Variants in MINDY3 observed in about 807,000 individuals in gnomAD.
The protein encoded by MINDY3 is MINDY lysine 48 deubiquitinase 3.
A neutral mutation model predicts 69.2 loss-of-function variants in MINDY3; 38 were observed. That is an observed-to-expected ratio of 0.55 (90% CI 0.42 to 0.72). The LOEUF (loss-of-function observed/expected upper bound fraction) is 0.72, where lower values mean the gene tolerates loss of function less well. Ranked by LOEUF, MINDY3 falls within the 30% of genes least tolerant of loss-of-function variation. The probability of loss-of-function intolerance (pLI) is 0.00; values close to 1 mark genes in which losing one functional copy is unlikely to be tolerated. For synonymous variants in MINDY3, 192 were observed against 180.1 expected (o/e 1.07, Z -0.53); for missense variants, 522 against 519.0 (o/e 1.01, Z -0.06).
chr10:15,813,199 A>G (rs1228610595), intron 10 of MINDY3, among the ~76,000 whole-genome samples: 1 of 152,204 alleles, frequency 6.6e-6, no homozygotes, highest in African/African-American at 2.4e-5. Context: ...ATCAAAGAGT[A>G]ACATGGCCTG....
At chr10:15,803,946 AAC>A (rs1354514817) in intron 10 of MINDY3, among the ~76,000 whole-genome samples, 1 of 152,152 alleles carries the variant, frequency 6.6e-6, no homozygotes, top group Non-Finnish European at 1.5e-5. Context: ...AGAAAATTTC[AAC>A]ATGTACTGCA....
chr10:15,788,981 A>C (rs879658656), intron 12 of MINDY3: 1 of 284,422 alleles, frequency 3.5e-6, no homozygotes, highest in Non-Finnish European at 6.7e-6. Flanking sequence ...TTTGCAGAGA[A>C]ACTTTTTAAA....
intron 10 of MINDY3, among the ~76,000 whole-genome samples, chr10:15,803,953 A>C (rs1311527763): frequency 6.6e-6 from 1 of 152,100 alleles, no homozygotes. Flanking sequence ...TTCAACATGT[A>C]CTGCATTTGG....
intron 10 of MINDY3, among the ~76,000 whole-genome samples, chr10:15,803,493 A>G (rs113106756): frequency 0.014 from 2,138 of 152,264 alleles, 46 homozygotes; most frequent in African/African-American, 0.048. Flanking sequence ...AAAATGGTTT[A>G]GTTAGAAGGA....
At chr10:15,803,539 T>A (rs1247225043) in intron 10 of MINDY3, among the ~76,000 whole-genome samples, 3 of 152,156 alleles carry the variant, frequency 2.0e-5, no homozygotes, top group African/African-American at 7.2e-5. Context: ...AGGAGGATTC[T>A]ACCCTCAGAT....
chr10:15,832,516 G>A (rs938146881), intron 8 of MINDY3, among the ~76,000 whole-genome samples: 30 of 152,068 alleles, frequency 2.0e-4, no homozygotes, highest in African/African-American at 7.0e-4. Flanking sequence ...AGAATAGGAT[G>A]ATCTCAATTA....
In MINDY3 at chr10:15,778,228, A is replaced by C. The variant is rs1311800123; in HGVS notation, c.*764T>G. On this transcript the variant is annotated 3_prime_UTR_variant, in exon 15 of 15. Coordinates refer to ENST00000277632, the MANE Select transcript of MINDY3 (RefSeq NM_024948.4). ...CAACTAGGATCATAATAAATAACGT[A>C]ATATACTAATGTAATAACAGATCTT... The C allele has an allele frequency of 6.6e-6, 1 of 152,228 alleles. No homozygotes were observed. The highest frequency in any genetic ancestry group is 1.5e-5 in the Non-Finnish European group (1 of 68,034). The allele number at this position is 152,228 out of a possible 1,614,324, so 9.4% of individuals were successfully genotyped here. A position where few individuals can be genotyped will look rare whatever the true frequency, so the allele number is the denominator to read the frequency against.
intron 14 of MINDY3, among the ~76,000 whole-genome samples, chr10:15,780,579 C>T (rs747145893): frequency 6.6e-6 from 1 of 152,180 alleles, no homozygotes; most frequent in African/African-American, 2.4e-5. Flanking sequence ...GGATGCCTGG[C>T]GGCTCAGACT....
chr10:15,819,887 G>T (rs773246172), intron 9 of MINDY3, among the ~76,000 whole-genome samples: 1 of 152,128 alleles, frequency 6.6e-6, no homozygotes, highest in Non-Finnish European at 1.5e-5. Flanking sequence ...GGGGAAAAAC[G>T]TTCTTCTGTT....
At chr10:15,806,705 C>G (rs1455816698) in intron 10 of MINDY3, among the ~76,000 whole-genome samples, 1 of 152,166 alleles carries the variant, frequency 6.6e-6, no homozygotes, top group Non-Finnish European at 1.5e-5. Flanking sequence ...GGTCCTACAG[C>G]TGATCGTCAA....
At chr10:15,780,510 T>C (rs1836443359) in intron 14 of MINDY3, among the ~76,000 whole-genome samples, 1 of 152,174 alleles carries the variant, frequency 6.6e-6, no homozygotes. Context: ...CTCATGTCAT[T>C]AGAGCAGAAG....
chr10:15,827,176 TAAAAAAAA>T (rs56332799), intron 8 of MINDY3, among the ~76,000 whole-genome samples: 21 of 44,876 alleles, frequency 4.7e-4, no homozygotes, highest in African/African-American at 1.9e-3. Context: ...ATAACAGGAG[TAAAAAAAA>T]AAAAAAAAAA....
intron 1 of MINDY3, among the ~76,000 whole-genome samples, chr10:15,854,091 T>C (rs1364863922): frequency 6.6e-6 from 1 of 152,140 alleles, no homozygotes; most frequent in African/African-American, 2.4e-5. Context: ...TATAAATTAA[T>C]GCAGAGGTAA....
intron 1 of MINDY3, among the ~76,000 whole-genome samples, chr10:15,856,977 A>G (rs1834734695): frequency 6.6e-6 from 1 of 152,126 alleles, no homozygotes; most frequent in African/African-American, 2.4e-5. Flanking sequence ...CAAACACAGC[A>G]GGCAGATCAG....
chr10:15,809,663 A>G (rs1203024535), intron 10 of MINDY3, among the ~76,000 whole-genome samples: 1 of 152,006 alleles, frequency 6.6e-6, no homozygotes, highest in Admixed American at 6.6e-5. Flanking sequence ...TTCTGTGGGA[A>G]CCCTGCTGCT....
At chr10:15,827,176 T>TAAAAAAAAAA (rs56332799) in intron 8 of MINDY3, among the ~76,000 whole-genome samples, 1 of 44,876 alleles carries the variant, frequency 2.2e-5, no homozygotes, top group Non-Finnish European at 3.9e-5. Context: ...ATAACAGGAG[T>TAAAAAAAAAA]AAAAAAAAAA....
chr10:15,799,796 G>A (rs1838125190), intron 10 of MINDY3, among the ~76,000 whole-genome samples: 1 of 152,068 alleles, frequency 6.6e-6, no homozygotes, highest in Non-Finnish European at 1.5e-5. Flanking sequence ...AGAGTTTGGA[G>A]GTAATGGTTA....
At chr10:15,837,383 A>G in intron 5 of MINDY3, 65 bp from the exon 6 acceptor site, 1 of 1,319,234 alleles carries the variant, frequency 7.6e-7, no homozygotes, top group East Asian at 2.4e-5. Flanking sequence ...TAAAAGGGAA[A>G]ATTTTTAAAT....
chr10:15,786,638 T>A lies in MINDY3; in HGVS notation c.1039A>T (p.Met347Leu), dbSNP rs1480182993. Reference sequence around the variant, plus strand: ...CCTTCTGGATCTAATTTATTCTTCATGAGATTTATACTACGGGGAGAAAGA... The same window carrying A: ...CCTTCTGGATCTAATTTATTCTTCAAGAGATTTATACTACGGGGAGAAAGA... The part of the protein sequence containing the change: ...LVSDPEYINL[M>L]KNKLDPEGLG... Residue 347 changes from methionine to leucine, a missense_variant, in exon 13 of 15, where the codon ATG (methionine) becomes TTG (leucine). Met to Leu is a conservative substitution (Grantham distance 15). Coordinates refer to ENST00000277632, the MANE Select transcript of MINDY3 (RefSeq NM_024948.4). 2 of 1,570,738 alleles carry A rather than the reference T, an allele frequency of 1.3e-6. No individual in the cohort carries two copies. The highest frequency in any genetic ancestry group is 1.7e-6 in the Non-Finnish European group (2 of 1,143,328).
Sources: allele counts gnomAD v4.1 joint callset (sites outside exome capture counted in the v4.1 genomes callset), GRCh38; gene constraint gnomAD v4.1.1; transcripts MANE v1.5; gene names NCBI Gene and HGNC (gene_info 2026-07-23, HGNC 2026-07-21).